The following CNOT8 variants were observed in gnomAD, a reference collection of about 807,000 sequenced individuals.
The protein encoded by CNOT8 is CAF1-like protein.
A neutral mutation model predicts 34.6 loss-of-function variants in CNOT8; 18 were observed. That is an observed-to-expected ratio of 0.52 (90% CI 0.36 to 0.77). The LOEUF (loss-of-function observed/expected upper bound fraction) is 0.77. CNOT8 is among the 30% of genes least tolerant of loss of function. The probability of loss-of-function intolerance (pLI) is 0.00; values close to 1 mark genes in which losing one functional copy is unlikely to be tolerated. For missense variants in CNOT8, 189 were observed against 347.9 expected (o/e 0.54, Z 3.63); for synonymous variants, 101 against 118.8 (o/e 0.85, Z 0.98).
chr5:154,874,828 T>C (rs1226361569), intron 6 of CNOT8, among the ~76,000 whole-genome samples: 1 of 151,976 alleles, frequency 6.6e-6, no homozygotes, highest in Non-Finnish European at 1.5e-5. Flanking sequence ...CCACTGTGCC[T>C]GGCCGAGCCT....
At chr5:154,862,650 G>T (rs1218083542) in intron 1 of CNOT8, among the ~76,000 whole-genome samples, 1 of 152,168 alleles carries the variant, frequency 6.6e-6, no homozygotes, top group Non-Finnish European at 1.5e-5. Flanking sequence ...ACCTCTAGTT[G>T]TATTTGACTT....
intron 6 of CNOT8, among the ~76,000 whole-genome samples, chr5:154,874,764 A>C (rs1762791584): frequency 6.6e-6 from 1 of 151,302 alleles, no homozygotes; most frequent in South Asian, 2.1e-4. Flanking sequence ...TGAACTCCTG[A>C]CCTCGTAATC....
intron 1 of CNOT8, chr5:154,859,325 C>G (rs1761100509): frequency 6.6e-6 from 1 of 152,086 alleles, no homozygotes; most frequent in African/African-American, 2.4e-5. Context: ...GCGGGCCTCC[C>G]CCTTCTAAAT....
At chr5:154,867,630 C>A in intron 3 of CNOT8, 1 of 252,656 alleles carries the variant, frequency 4.0e-6, no homozygotes, top group Non-Finnish European at 8.0e-6. Flanking sequence ...TTCATGGAAG[C>A]ATTAGGGAAA....
At chr5:154,871,918 G>GA in intron 5 of CNOT8, 44 bp downstream of exon 5, 3 of 1,559,188 alleles carry the variant, frequency 1.9e-6, no homozygotes, top group Non-Finnish European at 1.7e-6. Flanking sequence ...AAGAAGGACA[G>GA]AAAAAAAGCT....
At chr5:154,874,305 G>A (rs558410594) in intron 6 of CNOT8, among the ~76,000 whole-genome samples, 18 of 152,100 alleles carry the variant, frequency 1.2e-4, no homozygotes, top group African/African-American at 4.1e-4. Flanking sequence ...GGCCGGGTGC[G>A]GTGGCTCACA....
chr5:154,873,070 A>T lies in CNOT8; in HGVS notation c.729+419A>T, dbSNP rs1762625524. Among the ~76,000 whole-genome samples, 2 of 145,196 alleles carry T rather than the reference A, an allele frequency of 1.4e-5. 1 individual carries two copies. Among genetic ancestry groups the T allele is most frequent in the South Asian group, 4.4e-4 (2 of 4,568 alleles). ...AGGCATGAGCCACTCTGCCTGGCCGAATTTTTTGTATTTTTAGTAGACACG... is the reference window on the plus strand; with the variant it reads ...AGGCATGAGCCACTCTGCCTGGCCGTATTTTTTGTATTTTTAGTAGACACG... On this transcript the variant is annotated intron_variant, in intron 6 of 6. Coordinates refer to ENST00000285896, the MANE Select transcript of CNOT8 (RefSeq NM_001301073.2).
chr5:154,860,877 T>C (rs544674869), intron 1 of CNOT8, among the ~76,000 whole-genome samples: 16 of 152,294 alleles, frequency 1.1e-4, no homozygotes, highest in Non-Finnish European at 2.2e-4. Context: ...TAAAAACCAA[T>C]TCTCTTTTAA....
chr5:154,865,041 ATC>A, intron 2 of CNOT8, 149 bp from the exon 3 acceptor site: 1 of 661,254 alleles, frequency 1.5e-6, no homozygotes, highest in Non-Finnish European at 2.6e-6. Context: ...GACCAACCCT[ATC>A]TCAAAAAAAC....
intron 1 of CNOT8, among the ~76,000 whole-genome samples, 177 bp from the exon 2 acceptor site, chr5:154,863,030 T>C (rs1761500597): frequency 6.6e-6 from 1 of 152,142 alleles, no homozygotes; most frequent in African/African-American, 2.4e-5. Flanking sequence ...TGTGTGCGTG[T>C]GTGCATGTGT....
At chr5:154,869,229 C>T (rs1421884753) in intron 3 of CNOT8, among the ~76,000 whole-genome samples, 1 of 151,924 alleles carries the variant, frequency 6.6e-6, no homozygotes, top group African/African-American at 2.4e-5. Flanking sequence ...AAGCGATTCT[C>T]CAACCTCAGC....
rs144871563 is a variant in CNOT8 at position 154,874,522 on chromosome 5, G to A, written c.730-768G>A. 2.8e-4 allele frequency among the ~76,000 whole-genome samples: 42 copies of A among 152,176 alleles called. No homozygotes were observed. In the East Asian group the frequency reaches 7.8e-3, roughly 28 times the overall value. On this transcript the variant is annotated intron_variant, in intron 6 of 6. Coordinates refer to ENST00000285896, the MANE Select transcript of CNOT8 (RefSeq NM_001301073.2). ...GCCTGGGAGGCGGAGGTTGCAGTGA[G>A]TGAAACCCTGTCTCTTTTTCTTTTT...
rs747928547 is a variant in CNOT8, at chr5:154,863,383, TTA to T, written c.109_110del (p.Ile37CysfsTer16). 2 of 1,610,296 alleles carry T rather than the reference TTA, an allele frequency of 1.2e-6. No individual in the cohort carries two copies. The highest frequency in any genetic ancestry group is 1.7e-6 in the Non-Finnish European group (2 of 1,176,592). ...TCCGAGAAATCGTGCTCAGTTACAGTTATATTGCCATGGTAAGGAGCTCTACT... is the reference window on the plus strand; with the variant it reads ...TCCGAGAAATCGTGCTCAGTTACAGTTATTGCCATGGTAAGGAGCTCTACT... ...KIREIVLSYSYIAMDTEFPGV... is the reference protein window; with the variant it reads ...KIREIVLSYSXIAMDTEFPGV... On this transcript the variant is annotated frameshift_variant, in exon 2 of 7. Transcript: ENST00000285896. LOFTEE classifies it high-confidence loss of function.
Position 154,865,311 on chromosome 5 carries a change from T to C in CNOT8, c.237T>C (p.Leu79=), listed in dbSNP as rs749199415. 3.7e-6 allele frequency: 6 copies of C among 1,613,272 alleles called. No homozygotes were observed. The Admixed American group carries it at 8.4e-5, about 23-fold the overall frequency. Residue 79 remains leucine, a synonymous_variant, in exon 3 of 7, where the codon CTT becomes CTC. Transcript: ENST00000285896. ...TTTTAAAAATTATCCAGCTGGGCCT[T>C]ACATTCACAAATGAGAAGGGAGAGT... The part of the protein sequence containing the change: ...VDLLKIIQLG[L]TFTNEKGEYP...
chr5:154,873,396 GTTA>G (rs1762662576), intron 6 of CNOT8, among the ~76,000 whole-genome samples: 1 of 152,114 alleles, frequency 6.6e-6, no homozygotes, highest in South Asian at 2.1e-4. Flanking sequence ...AATCCTTTCA[GTTA>G]TTTGCTTTTT....
intron 6 of CNOT8, 105 bp downstream of exon 6, chr5:154,872,756 A>AT (rs1279916673): frequency 2.3e-6 from 1 of 441,342 alleles, no homozygotes; most frequent in Non-Finnish European, 4.0e-6. Context: ...TTGAACATTT[A>AT]TTTTTTATTT....
rs1203246425 is a variant in CNOT8, at chr5:154,871,803, C to T, written c.547C>T (p.His183Tyr). 1.2e-6 allele frequency: 2 copies of T among 1,613,778 alleles called. No homozygotes were observed. Among genetic ancestry groups the T allele is most frequent in the Non-Finnish European group, 1.7e-6 (2 of 1,179,762 alleles). Residue 183 changes from histidine to tyrosine, a missense_variant, in exon 5 of 7, where the codon CAT becomes TAT. His to Tyr is a moderately conservative substitution (Grantham distance 83). Around this residue, in one of 2 missense-constraint regions of CNOT8, gnomAD observed 160 missense variants for 321.9 expected, o/e 0.50. Transcript: ENST00000285896. ...RLPEEEHEFF[H>Y]ILNLFFPSIY... ...GCCAGAAGAGGAACATGAATTCTTT[C>T]ATATTCTGAACCTTTTCTTCCCATC... is the stretch of plus-strand genomic sequence containing the variant.
In CNOT8 at chr5:154,868,423, C is replaced by G. The variant is rs1043375333; in HGVS notation, c.312-2238C>G. On this transcript the variant is annotated intron_variant, in intron 3 of 6. Transcript: ENST00000285896. Reference sequence around the variant, plus strand: ...GCTGGGATTACAGGTGCCCACCATGCCTGGCTAACTTTTGTATTTTTAGTA... The same window carrying G: ...GCTGGGATTACAGGTGCCCACCATGGCTGGCTAACTTTTGTATTTTTAGTA... Among the ~76,000 whole-genome samples the G allele has an allele frequency of 1.8e-4, 27 of 151,596 alleles. 1 individual carries two copies. In the South Asian group the frequency reaches 4.2e-3, roughly 23 times the overall value.
At position 154,865,245 on chromosome 5, in the gene CNOT8, C is replaced by T. The variant is rs1761758767; in HGVS notation, c.171C>T (p.Ser57=). The T allele has an allele frequency of 6.2e-7, 1 of 1,610,006 alleles. No individual in the cohort carries two copies. The highest frequency in any genetic ancestry group is 1.3e-5 in the African/African-American group (1 of 74,692). ...GACCAATTGGTGAATTTCGTAGTTC[C>T]ATAGATTACCAATATCAGCTTCTGC... The part of the protein sequence containing the change: ...VVRPIGEFRS[S]IDYQYQLLRC... Residue 57 remains serine (S), a synonymous_variant, in exon 3 of 7, where the codon TCC becomes TCT. Coordinates refer to ENST00000285896, the MANE Select transcript of CNOT8 (RefSeq NM_001301073.2).
Sources: allele counts gnomAD v4.1 joint callset (sites outside exome capture counted in the v4.1 genomes callset), GRCh38; gene constraint gnomAD v4.1.1; regional missense constraint gnomAD v4.1.1; transcripts MANE v1.5; gene names NCBI Gene and HGNC (gene_info 2026-07-23, HGNC 2026-07-21).